CNTNAP5: variants seen among roughly 807,000 people sequenced by gnomAD.
The protein encoded by CNTNAP5 is contactin-associated protein-like 5.
A neutral mutation model predicts 150.2 loss-of-function variants in CNTNAP5; 72 were observed. The ratio of observed to expected loss-of-function variants is 0.48; its 90% CI spans 0.40 to 0.58. The LOEUF (loss-of-function observed/expected upper bound fraction) is 0.58. Ranked by LOEUF, CNTNAP5 falls within the 20% of genes least tolerant of loss-of-function variation. CNTNAP5 has a pLI of 0.00. For synonymous variants in CNTNAP5, 672 were observed against 619.8 expected (o/e 1.08, Z -1.25); for missense variants, 1,636 against 1,626.2 (o/e 1.01, Z -0.10).
chr2:124,652,102 C>T (rs934953953), intron 13 of CNTNAP5, among the ~76,000 whole-genome samples: 1 of 152,046 alleles, frequency 6.6e-6, no homozygotes, highest in Admixed American at 6.5e-5. Flanking sequence ...ATATTTTTTT[C>T]CCAGAACTAC....
In CNTNAP5 at chr2:124,692,136, G is replaced by A. The variant is rs193151868; in HGVS notation, c.2077+44178G>A. On this transcript the variant is annotated intron_variant, in intron 13 of 23. Coordinates refer to ENST00000682447, the MANE Select transcript of CNTNAP5 (RefSeq NM_001367498.1). ...ACCCTAGTTGAGGTGCCAGACACAT[G>A]AGTGAAGCCCTTTGGGGATGTTCCA... Among the ~76,000 whole-genome samples the A allele has an allele frequency of 3.2e-4, 49 of 152,282 alleles. No homozygotes were observed. The East Asian group carries it at 9.3e-3, about 29-fold the overall frequency.
chr2:124,446,380 G>A (rs1032610673), intron 5 of CNTNAP5, among the ~76,000 whole-genome samples: 4 of 152,058 alleles, frequency 2.6e-5, no homozygotes, highest in Non-Finnish European at 5.9e-5. Flanking sequence ...TCCCAGGCAC[G>A]GCTCCTAATT....
intron 1 of CNTNAP5, among the ~76,000 whole-genome samples, chr2:124,155,341 C>T (rs1467858246): frequency 6.6e-6 from 1 of 152,082 alleles, no homozygotes; most frequent in Non-Finnish European, 1.5e-5. Flanking sequence ...TAATCATTTT[C>T]ATTTGCCAAT....
At chr2:124,089,815 A>G (rs1682774143) in intron 1 of CNTNAP5, among the ~76,000 whole-genome samples, 1 of 152,214 alleles carries the variant, frequency 6.6e-6, no homozygotes, top group African/African-American at 2.4e-5. Context: ...TACAAGGGCA[A>G]TGGATGCCTG....
In CNTNAP5 at chr2:124,915,229, T is replaced by TAC. The variant is rs1553455278; in HGVS notation, c.*948_*949dup. On this transcript the variant is annotated 3_prime_UTR_variant, in exon 24 of 24. Transcript: ENST00000682447. Reference sequence around the variant, plus strand: ...ACACACACACACACATATATATATATACACACACGCACACATATATGTTGC... The same window carrying TAC: ...ACACACACACACACATATATATATATACACACACACGCACACATATATGTTGC... 7 of 165,880 alleles carry TAC rather than the reference T, an allele frequency of 4.2e-5. No individual in the cohort carries two copies. The highest frequency in any genetic ancestry group is 1.2e-4 in the African/African-American group (5 of 41,106). 10.3% of individuals were successfully genotyped at this position (165,880 alleles called of 1,614,324 possible). A position where few individuals can be genotyped will look rare whatever the true frequency, so the allele number is the denominator to read the frequency against.
At chr2:124,170,693 C>T (rs1422480963) in intron 1 of CNTNAP5, among the ~76,000 whole-genome samples, 4 of 152,160 alleles carry the variant, frequency 2.6e-5, no homozygotes, top group African/African-American at 7.2e-5. Context: ...TCAGCCTTTC[C>T]CATTGCATAT....
At chr2:124,798,025 A>G in intron 18 of CNTNAP5, 71 bp from the exon 19 acceptor site, 1 of 1,160,454 alleles carries the variant, frequency 8.6e-7, no homozygotes. Context: ...GAAACGAGAA[A>G]GCAGCTAAGG....
Position 124,620,743 on chromosome 2 carries a change from ATG to A in CNTNAP5, c.1876+10824_1876+10825del, listed in dbSNP as rs1229017455. ...ATATATATGCTACACACACACACAC[ATG>A]CACACACACACACACACACACACAC... On this transcript the variant is annotated intron_variant, in intron 12 of 23. Transcript: ENST00000682447. Among the ~76,000 whole-genome samples, 537 of 73,008 alleles carry A rather than the reference ATG, an allele frequency of 7.4e-3. 1 individual carries two copies. Among genetic ancestry groups the A allele is most frequent in the African/African-American group, 0.016 (396 of 24,700 alleles). The allele number at this position is 73,008 out of a possible 152,430, so 47.9% of individuals were successfully genotyped here. A position where few individuals can be genotyped will look rare whatever the true frequency, so the allele number is the denominator to read the frequency against.
rs115246250 is a variant in CNTNAP5, at chr2:124,605,283, A to T, written c.1757-4518A>T. Among the ~76,000 whole-genome samples the T allele has an allele frequency of 4.7e-3, 722 of 152,260 alleles. 4 individuals carry two copies. Among genetic ancestry groups the T allele is most frequent in the African/African-American group, 0.017 (689 of 41,544 alleles). On this transcript the variant is annotated intron_variant, in intron 11 of 23. Coordinates refer to ENST00000682447, the MANE Select transcript of CNTNAP5 (RefSeq NM_001367498.1). ...GACTTAAAGTCAAATTTGGAGTTTT[A>T]TGTGTGTTTGTTTTTATACAGCAAA... is the stretch of plus-strand genomic sequence containing the variant.
In CNTNAP5 at chr2:124,794,366, T is replaced by C. The variant is rs551665436; in HGVS notation, c.2993-3730T>C. On this transcript the variant is annotated intron_variant, in intron 18 of 23. Coordinates refer to ENST00000682447, the MANE Select transcript of CNTNAP5 (RefSeq NM_001367498.1). Reference sequence around the variant, plus strand: ...GGACTCTTTCACAGGGAGTCGTGTTTAACATTCGATGAGCACTCTACAAAG... The same window carrying C: ...GGACTCTTTCACAGGGAGTCGTGTTCAACATTCGATGAGCACTCTACAAAG... 4.1e-4 allele frequency among the ~76,000 whole-genome samples: 62 copies of C among 152,324 alleles called. No homozygotes were observed. The South Asian group carries it at 0.013, about 31-fold the overall frequency.
At chr2:124,412,560 C>CA (rs1257904517) in intron 3 of CNTNAP5, among the ~76,000 whole-genome samples, 2 of 151,570 alleles carry the variant, frequency 1.3e-5, no homozygotes, top group Non-Finnish European at 2.9e-5. Context: ...GAGCAGAGCC[C>CA]TCAGAAATAA....
Position 124,362,018 on chromosome 2 carries a change from G to A in CNTNAP5, c.382-55425G>A, listed in dbSNP as rs561219406. 1.8e-4 allele frequency among the ~76,000 whole-genome samples: 27 copies of A among 152,324 alleles called. 1 individual carries two copies. The highest frequency in any genetic ancestry group is 1.0e-3 in the South Asian group (5 of 4,830). On this transcript the variant is annotated intron_variant, in intron 3 of 23. Transcript: ENST00000682447. ...GCGGGATATAATCTTGTGGTGCGCC[G>A]TTTTTTAAGCCGGTCCGAAAAGCGC...
chr2:124,276,835 A>T (rs145124519), intron 3 of CNTNAP5, among the ~76,000 whole-genome samples: 1 of 152,182 alleles, frequency 6.6e-6, no homozygotes, highest in Admixed American at 6.6e-5. Flanking sequence ...AAACCCAGTA[A>T]CATGTAAAAG....
chr2:124,451,049 A>T (rs865867744), intron 6 of CNTNAP5, among the ~76,000 whole-genome samples: 3,542 of 71,850 alleles, frequency 0.049, 295 homozygotes, highest in African/African-American at 0.14. Context: ...AAAAAAAAAA[A>T]AAATATATAT....
intron 3 of CNTNAP5, among the ~76,000 whole-genome samples, chr2:124,369,811 A>T (rs1185899823): frequency 6.6e-6 from 1 of 152,116 alleles, no homozygotes; most frequent in African/African-American, 2.4e-5. Context: ...TATTGTGCAC[A>T]TCAAAACCCA....
At position 124,446,356 on chromosome 2, in the gene CNTNAP5, A is replaced by G. The variant is rs536686519; in HGVS notation, c.734-397A>G. 5.7e-4 allele frequency among the ~76,000 whole-genome samples: 87 copies of G among 152,202 alleles called. 2 individuals are homozygous for G. Among genetic ancestry groups the G allele is most frequent in the African/African-American group, 2.0e-3 (82 of 41,514 alleles). On this transcript the variant is annotated intron_variant, in intron 5 of 23. Coordinates refer to ENST00000682447, the MANE Select transcript of CNTNAP5 (RefSeq NM_001367498.1). ...TAGCTGTCTTCCCTTTACGTATCCCAGCTTTACTCCTCCTCCCAGGCACGG... is the reference window on the plus strand; with the variant it reads ...TAGCTGTCTTCCCTTTACGTATCCCGGCTTTACTCCTCCTCCCAGGCACGG...
At chr2:124,153,583 G>A (rs1248175241) in intron 1 of CNTNAP5, among the ~76,000 whole-genome samples, 1 of 150,440 alleles carries the variant, frequency 6.6e-6, no homozygotes, top group African/African-American at 2.4e-5. Context: ...ATGAAGATGA[G>A]GCAAGAAAGC....
chr2:124,193,913 C>T (rs772358088), intron 1 of CNTNAP5, among the ~76,000 whole-genome samples: 5 of 152,102 alleles, frequency 3.3e-5, no homozygotes, highest in African/African-American at 4.8e-5. Context: ...CCTGGACAGA[C>T]TTCAGCAAAC....
chr2:124,164,175 G>T (rs1433234490), intron 1 of CNTNAP5, among the ~76,000 whole-genome samples: 1 of 152,160 alleles, frequency 6.6e-6, no homozygotes, highest in Non-Finnish European at 1.5e-5. Context: ...CTTAGACACT[G>T]TTCTAAGCAA....
Sources: gnomAD v4.1 joint callset for allele counts (sites outside exome capture counted in the v4.1 genomes callset) on GRCh38, gnomAD v4.1.1 for gene constraint, MANE v1.5 for transcripts, NCBI Gene and HGNC (gene_info 2026-07-23, HGNC 2026-07-21) for gene names.